The following STARD13 variants were observed in gnomAD, a reference collection of about 807,000 sequenced individuals.
The protein encoded by STARD13 is stAR-related lipid transfer protein 13.
In STARD13, 62 loss-of-function variants were observed where a neutral mutation model predicts 106.4. The ratio of observed to expected loss-of-function variants is 0.58; its 90% CI spans 0.48 to 0.72. The LOEUF is 0.72. Among genes scored for constraint, STARD13 ranks in the 30% least tolerant of loss-of-function variants. STARD13 has a pLI of 0.00. For missense variants in STARD13, 1,387 were observed against 1,424.0 expected, an observed-to-expected ratio of 0.97 and a Z score of 0.42; for synonymous variants, 565 against 553.0, an observed-to-expected ratio of 1.02 and a Z score of -0.31.
the STARD13 span, among the ~76,000 whole-genome samples, chr13:33,407,052 G>T: frequency 6.6e-6 from 1 of 152,204 alleles, no homozygotes; most frequent in Admixed American, 6.5e-5. Flanking sequence ...TGATGTACTA[G>T]TTCATTCTTT....
chr13:33,540,621 C>A, the STARD13 span, among the ~76,000 whole-genome samples: 1 of 152,142 alleles, frequency 6.6e-6, no homozygotes, highest in African/African-American at 2.4e-5. Context: ...GAAAGCAATA[C>A]CATGTATAAA....
chr13:33,631,444 A>G, the STARD13 span, among the ~76,000 whole-genome samples: 2 of 152,224 alleles, frequency 1.3e-5, no homozygotes, highest in Non-Finnish European at 2.9e-5. Context: ...TAGCCTCTTC[A>G]TGTTCTTACA....
At chr13:33,350,305 C>G (rs2138623794) in exon 1 of STARD13, 1 of 1,532,792 alleles carries the variant, frequency 6.5e-7, no homozygotes, top group Non-Finnish European at 8.7e-7. Context: ...AGCCGCCTCT[C>G]CCGGACGTTC....
At chr13:33,496,216 CATAAT>C in the STARD13 span, among the ~76,000 whole-genome samples, 1 of 143,974 alleles carries the variant, frequency 6.9e-6, no homozygotes, top group African/African-American at 2.5e-5. Context: ...CTAATGTAAA[CATAAT>C]ATAATTTATA....
At chr13:33,378,797 C>CAAAAAAAA in the STARD13 span, among the ~76,000 whole-genome samples, 10 of 104,648 alleles carry the variant, frequency 9.6e-5, no homozygotes, top group East Asian at 2.7e-4. Flanking sequence ...CTCAAAAAAA[C>CAAAAAAAA]AAAAAAAAAA....
At chr13:33,185,945 T>C in intron 1 of STARD13, 2 of 1,614,242 alleles carry the variant, frequency 1.2e-6, no homozygotes, top group Non-Finnish European at 1.7e-6. Context: ...CTTTGCATTC[T>C]CTGCACCAGC....
intron 1 of STARD13, among the ~76,000 whole-genome samples, chr13:33,218,073 G>T (rs1206647370): frequency 6.6e-6 from 1 of 152,094 alleles, no homozygotes; most frequent in African/African-American, 2.4e-5. Flanking sequence ...AGATTTCAAT[G>T]GTGTCAAAAG....
chr13:33,344,090 C>T (rs1403945998), downstream of STARD13, among the ~76,000 whole-genome samples: 1 of 152,082 alleles, frequency 6.6e-6, no homozygotes, highest in Non-Finnish European at 1.5e-5. Context: ...TGGTTCTCAA[C>T]CTGGACTGCA....
intron 1 of STARD13, among the ~76,000 whole-genome samples, chr13:33,325,805 T>C (rs2077767387): frequency 6.6e-6 from 1 of 151,732 alleles, no homozygotes; most frequent in African/African-American, 2.4e-5. Flanking sequence ...CCATCCTGGC[T>C]AACATGGTAA....
intron 1 of STARD13, among the ~76,000 whole-genome samples, chr13:33,182,477 G>A (rs1463322488): frequency 6.6e-6 from 1 of 152,076 alleles, no homozygotes; most frequent in Non-Finnish European, 1.5e-5. Flanking sequence ...TCTGTCTCCT[G>A]GACTTGGTTT....
chr13:33,175,735 T>C (rs1884448167), intron 1 of STARD13, among the ~76,000 whole-genome samples: 1 of 152,198 alleles, frequency 6.6e-6, no homozygotes, highest in Non-Finnish European at 1.5e-5. Flanking sequence ...GGAAGTCAGA[T>C]TTCTTAGCTT....
At chr13:33,400,199 T>C in the STARD13 span, among the ~76,000 whole-genome samples, 2 of 152,162 alleles carry the variant, frequency 1.3e-5, no homozygotes. Flanking sequence ...CTATTATGGG[T>C]TCCGTATATA....
rs759221880 is a variant in STARD13, at chr13:33,285,471, T to C, written c.168A>G (p.Gln56=). The C allele has an allele frequency of 3.1e-6, 5 of 1,612,508 alleles. No individual in the cohort carries two copies. The highest frequency in any genetic ancestry group is 1.6e-4 in the Middle Eastern group (1 of 6,072). Residue 56 remains glutamine, a splice_region_variant and synonymous_variant, in exon 1 of 14, where the codon CAA becomes CAG. Coordinates refer to ENST00000336934, the MANE Select transcript of STARD13 (RefSeq NM_178006.4). ...AGCCTTCCACTGCCGGCCACTCACC[T>C]TGTTGAATTTTAGTCACTAGCTGAT... ...ARHQLVTKIQ[Q]EIEAKEACDW...
chr13:33,108,989 G>C (rs534482081), intron 12 of STARD13, among the ~76,000 whole-genome samples: 3 of 152,100 alleles, frequency 2.0e-5, no homozygotes, highest in African/African-American at 7.2e-5. Flanking sequence ...AAGGTTCCAT[G>C]GGCCAATTCC....
At chr13:33,418,065 G>C in the STARD13 span, among the ~76,000 whole-genome samples, 1 of 148,676 alleles carries the variant, frequency 6.7e-6, no homozygotes, top group African/African-American at 2.6e-5. Flanking sequence ...TGAGGTATCT[G>C]GTTCATCTCA....
At chr13:33,634,219 G>A in the STARD13 span, among the ~76,000 whole-genome samples, 2 of 152,108 alleles carry the variant, frequency 1.3e-5, no homozygotes, top group African/African-American at 4.8e-5. Flanking sequence ...TAAGAATTCT[G>A]AGTGGCATCA....
chr13:33,252,871 GC>G (rs1466197052), intron 1 of STARD13, among the ~76,000 whole-genome samples: 1 of 152,174 alleles, frequency 6.6e-6, no homozygotes, highest in African/African-American at 2.4e-5. Context: ...TGTTGCCTTT[GC>G]CTGAGAATGT....
At chr13:33,157,220 T>G (rs966474231) in intron 3 of STARD13, among the ~76,000 whole-genome samples, 2 of 152,160 alleles carry the variant, frequency 1.3e-5, no homozygotes, top group Non-Finnish European at 2.9e-5. Context: ...TTTTAAATAC[T>G]AAGGGCAATG....
chr13:33,118,410 C>G, intron 7 of STARD13, 147 bp from the exon 8 acceptor site: 1 of 665,404 alleles, frequency 1.5e-6, no homozygotes, highest in East Asian at 2.6e-5. Context: ...AGGCAGTACC[C>G]GAACACTGTC....
Sources: allele counts gnomAD v4.1 joint callset (sites outside exome capture counted in the v4.1 genomes callset), GRCh38; gene constraint gnomAD v4.1.1; transcripts MANE v1.5; gene names NCBI Gene and HGNC (gene_info 2026-07-23, HGNC 2026-07-21).